ZNF8: variants seen among roughly 807,000 people sequenced by gnomAD.
The protein encoded by ZNF8 is zinc finger protein 8, also known as zinc finger protein 272.
ZNF8 carries 9 observed loss-of-function variants against 12.2 expected under a neutral mutation model. That is an observed-to-expected ratio of 0.73 (90% CI 0.44 to 1.28). The LOEUF (loss-of-function observed/expected upper bound fraction) is 1.28. ZNF8 is among the 50% of genes most tolerant of loss of function. ZNF8 has a pLI of 0.00. For synonymous variants in ZNF8, 274 were observed against 282.3 expected, an observed-to-expected ratio of 0.97 and a Z score of 0.30; for missense variants, 664 against 729.1, an observed-to-expected ratio of 0.91 and a Z score of 1.03.
In ZNF8 at chr19:58,294,705, C is replaced by T. The variant is rs759162125; in HGVS notation, c.897C>T (p.Ser299=). The change falls in exon 4 of 4, where the codon TCC becomes TCT. Residue 299 remains serine, a synonymous_variant. Coordinates refer to ENST00000621650, the MANE Select transcript of ZNF8 (RefSeq NM_021089.3). The surrounding 1 kb of genome is among the most constrained non-coding windows in gnomAD (Gnocchi z 5.5). The part of the protein sequence containing the change: ...ECGKAFSQNS[S]LVQHERIHTG... The stretch of plus-strand genomic sequence containing the variant: ...GGAAAGCCTTCAGCCAGAACTCCTC[C>T]CTCGTCCAGCATGAGCGCATCCACA... 1.2e-6 allele frequency: 2 copies of T among 1,614,106 alleles called. No individual in the cohort carries two copies. Among genetic ancestry groups the T allele is most frequent in the Admixed American group, 1.7e-5 (1 of 60,014 alleles).
chr19:58,283,688 C>G (rs1307116180), intron 1 of ZNF8, among the ~76,000 whole-genome samples: 1 of 151,162 alleles, frequency 6.6e-6, no homozygotes, highest in African/African-American at 2.4e-5. Flanking sequence ...CAAGCTCTGC[C>G]TCCCGGGTTC....
chr19:58,291,713 G>A (rs537670046), intron 3 of ZNF8, among the ~76,000 whole-genome samples: 1 of 152,336 alleles, frequency 6.6e-6, no homozygotes, highest in East Asian at 1.9e-4. Flanking sequence ...GGCCGTAAAG[G>A]AAATGCACCT....
At chr19:58,281,521 T>G (rs2147953254) in intron 1 of ZNF8, among the ~76,000 whole-genome samples, 1 of 152,268 alleles carries the variant, frequency 6.6e-6, no homozygotes, top group Non-Finnish European at 1.5e-5. Context: ...AGAATTCTCA[T>G]GGCTTGGACA....
At position 58,294,570 on chromosome 19, in the gene ZNF8, C is replaced by T. The variant is rs758884468; in HGVS notation, c.762C>T (p.Asp254=). Residue 254 remains aspartate, a synonymous_variant, in exon 4 of 4, where the codon GAC becomes GAT. Coordinates refer to ENST00000621650, the MANE Select transcript of ZNF8 (RefSeq NM_021089.3). The surrounding 1 kb of genome is among the most constrained non-coding windows in gnomAD (Gnocchi z 5.5). ...ITELTKSQVQ[D]KPYKCTDCGK... ...AACTCACAAAAAGCCAGGTGCAGGA[C>T]AAACCCTACAAATGTACTGACTGTG... The T allele has an allele frequency of 1.1e-5, 17 of 1,614,142 alleles. No homozygotes were observed. Among genetic ancestry groups the T allele is most frequent in the Non-Finnish European group, 1.2e-5 (14 of 1,180,044 alleles).
chr19:58,294,984 C>T lies in ZNF8; in HGVS notation c.1176C>T (p.Thr392=), dbSNP rs775410674. The change falls in exon 4 of 4, where the codon ACC becomes ACT. Residue 392 remains threonine (T), a synonymous_variant. Coordinates refer to ENST00000621650, the MANE Select transcript of ZNF8 (RefSeq NM_021089.3). The surrounding 1 kb of genome is among the most constrained non-coding windows in gnomAD (Gnocchi z 5.5). The part of the protein sequence containing the change: ...TCLFLHLRTH[T]EERPYECNHC... Reference sequence around the variant, plus strand: ...TTTTCCTGCACCTGAGAACTCACACCGAGGAGAGGCCCTACGAGTGTAACC... The same window carrying T: ...TTTTCCTGCACCTGAGAACTCACACTGAGGAGAGGCCCTACGAGTGTAACC... The T allele has an allele frequency of 1.0e-4, 161 of 1,613,966 alleles. No individual in the cohort carries two copies. The highest frequency in any genetic ancestry group is 3.6e-4 in the South Asian group (33 of 91,094).
chr19:58,285,306 C>A (rs934700510), intron 1 of ZNF8, among the ~76,000 whole-genome samples: 2 of 152,106 alleles, frequency 1.3e-5, no homozygotes, highest in African/African-American at 4.8e-5. Context: ...GTGGCCCAGC[C>A]AATTTCACTT....
chr19:58,279,044 G>A lies in ZNF8; in HGVS notation c.-38G>A. 1 of 1,401,922 alleles carries A rather than the reference G, an allele frequency of 7.1e-7. No homozygotes were observed. 86.8% of individuals were successfully genotyped at this position (1,401,922 alleles called of 1,614,324 possible). A position where few individuals can be genotyped will look rare whatever the true frequency, so the allele number is the denominator to read the frequency against. ...GGCTGGAGTGCCTCTCTGGTCTGGG[G>A]ATCACCTCAGGCGCTGTCCTTCACT... On this transcript the variant is annotated 5_prime_UTR_variant, in exon 1 of 4. Transcript: ENST00000621650.
At chr19:58,279,879 C>A in intron 1 of ZNF8, 3 of 1,032,566 alleles carry the variant, frequency 2.9e-6, no homozygotes, top group South Asian at 1.6e-5. Flanking sequence ...TGAAATTATA[C>A]TTTTTTTTAT....
In ZNF8 at chr19:58,296,191, C is replaced by T. The variant is rs1322128737; in HGVS notation, c.*655C>T. 1 of 152,274 alleles carries T rather than the reference C, an allele frequency of 6.6e-6. No individual in the cohort carries two copies. Among genetic ancestry groups the T allele is most frequent in the Non-Finnish European group, 1.5e-5 (1 of 68,110 alleles). 9.4% of individuals were successfully genotyped at this position (152,274 alleles called of 1,614,324 possible). On this transcript the variant is annotated 3_prime_UTR_variant, in exon 4 of 4. Transcript: ENST00000621650. ...TTCTCAGTTCATACCCTGAAAACTGCTTATTCCACATCTGTTGATGTGGTC... is the reference window on the plus strand; with the variant it reads ...TTCTCAGTTCATACCCTGAAAACTGTTTATTCCACATCTGTTGATGTGGTC...
At chr19:58,285,367 C>CTAAAACAGTATCTGTTTTACT (rs2051376852) in intron 1 of ZNF8, among the ~76,000 whole-genome samples, 1 of 152,120 alleles carries the variant, frequency 6.6e-6, no homozygotes, top group Non-Finnish European at 1.5e-5. Context: ...TAACACTGTC[C>CTAAAACAGTATCTGTTTTACT]TAAAACAGTA....
In ZNF8 at chr19:58,298,396, C is replaced by T. The variant is rs2051469940; in HGVS notation, c.*2860C>T. On this transcript the variant is annotated 3_prime_UTR_variant, in exon 4 of 4. Transcript: ENST00000621650. The stretch of plus-strand genomic sequence containing the variant: ...CTGGAGTGCAGTGGCACAATCTTGG[C>T]TCACTGCAACCTCCGCCTCCCGGGT... 1 of 152,112 alleles carries T rather than the reference C, an allele frequency of 6.6e-6. No individual in the cohort carries two copies. The highest frequency in any genetic ancestry group is 2.1e-4 in the South Asian group (1 of 4,826). The allele number at this position is 152,112 out of a possible 1,614,324, so 9.4% of individuals were successfully genotyped here.
intron 3 of ZNF8, among the ~76,000 whole-genome samples, chr19:58,287,232 A>G (rs260476): frequency 0.59 from 88,931 of 151,326 alleles, 26,459 homozygotes; most frequent in Middle Eastern, 0.68. Context: ...TAGAGATGGG[A>G]TTTTGCCATC....
At chr19:58,293,674 C>T (rs2051434617) in intron 3 of ZNF8, among the ~76,000 whole-genome samples, 1 of 152,246 alleles carries the variant, frequency 6.6e-6, no homozygotes, top group African/African-American at 2.4e-5. Flanking sequence ...AGATGCTGTG[C>T]TCAGCTCTAG....
At position 58,286,090 on chromosome 19, in the gene ZNF8, G is replaced by A; in HGVS notation, c.194-20G>A. The A allele has an allele frequency of 6.2e-7, 1 of 1,611,938 alleles. No individual in the cohort carries two copies. The highest frequency in any genetic ancestry group is 1.7e-5 in the Admixed American group (1 of 59,770). ...TCTCCTGAGCAGCCCCTCACCTCCT[G>A]TGTTTTTCCCCATTTCCAGGTCCTG... On this transcript the variant is annotated intron_variant, in intron 2 of 3. Coordinates refer to ENST00000621650, the MANE Select transcript of ZNF8 (RefSeq NM_021089.3).
intron 3 of ZNF8, among the ~76,000 whole-genome samples, chr19:58,292,925 C>T (rs1568526651): frequency 6.6e-6 from 1 of 151,210 alleles, no homozygotes; most frequent in African/African-American, 2.4e-5. Context: ...TTAGAATAAA[C>T]CTCTGGGTGC....
Position 58,295,875 on chromosome 19 carries a change from G to T in ZNF8, c.*339G>T, listed in dbSNP as rs1351439398. The T allele has an allele frequency of 3.9e-6, 1 of 254,984 alleles. No individual in the cohort carries two copies. Among genetic ancestry groups the T allele is most frequent in the African/African-American group, 2.3e-5 (1 of 44,050 alleles). The allele number at this position is 254,984 out of a possible 1,614,324, so 15.8% of individuals were successfully genotyped here. Reference sequence around the variant, plus strand: ...AAAGTAATTTATGGTAGAGTAAATTGTAGAGTAACGTGTACTGACTTGGTG... The same window carrying T: ...AAAGTAATTTATGGTAGAGTAAATTTTAGAGTAACGTGTACTGACTTGGTG... On this transcript the variant is annotated 3_prime_UTR_variant, in exon 4 of 4. Coordinates refer to ENST00000621650, the MANE Select transcript of ZNF8 (RefSeq NM_021089.3).
At chr19:58,290,881 T>G (rs1012181142) in intron 3 of ZNF8, among the ~76,000 whole-genome samples, 2 of 152,106 alleles carry the variant, frequency 1.3e-5, no homozygotes, top group Admixed American at 6.5e-5. Flanking sequence ...CAAAACCACA[T>G]CTCTACAAAA....
At chr19:58,279,309 T>C (rs437229) in intron 1 of ZNF8, 162 bp downstream of exon 1, 1,000,200 of 1,509,998 alleles carry the variant, frequency 0.66, 332,409 homozygotes, top group Middle Eastern at 0.75. Context: ...CCGTCCTGGC[T>C]GGTCAGAGAG....
chr19:58,280,620 T>C (rs1430909701), intron 1 of ZNF8: 1 of 152,228 alleles, frequency 6.6e-6, no homozygotes, highest in East Asian at 1.9e-4. Context: ...GTCCAGTGTT[T>C]TATCTGGTTA....
Sources: allele counts gnomAD v4.1 joint callset (sites outside exome capture counted in the v4.1 genomes callset), GRCh38; gene constraint gnomAD v4.1.1; non-coding constraint Gnocchi (gnomAD v3.1); transcripts MANE v1.5; gene names NCBI Gene and HGNC (gene_info 2026-07-23, HGNC 2026-07-21).